Variants in CDKN2AIPNL observed in about 807,000 individuals in gnomAD.
CDKN2AIPNL encodes CDKN2AIP N-terminal-like protein.
A neutral mutation model predicts 12.9 loss-of-function variants in CDKN2AIPNL; 9 were observed. That is an observed-to-expected ratio of 0.70 (90% CI 0.42 to 1.22). The LOEUF is 1.22. Ranked by LOEUF, CDKN2AIPNL falls within the 50% of genes most tolerant of loss-of-function variation. The pLI, the probability that CDKN2AIPNL is intolerant of heterozygous loss-of-function variation, is 0.00. For synonymous variants in CDKN2AIPNL, 53 were observed against 61.7 expected (o/e 0.86, Z 0.66); for missense variants, 143 against 153.6 (o/e 0.93, Z 0.37).
rs1368651312 is a variant in CDKN2AIPNL at position 134,411,690 on chromosome 5, G to C, written c.165C>G (p.Pro55=). The change falls in exon 1 of 3, where the codon CCC becomes CCG. Residue 55 remains proline, a synonymous_variant. Transcript: ENST00000458198. ...GCTGGTCCAGGCGGCCACTGCCGTC[G>C]GGCGGGTCGCGGTAGTCGGGCAGGT... ...LRHLPDYRDP[P]DGSGRLDQLL... 7.4e-6 allele frequency: 12 copies of C among 1,613,206 alleles called. No individual in the cohort carries two copies. In the East Asian group the frequency reaches 2.5e-4, roughly 33 times the overall value.
chr5:134,409,840 C>T, intron 2 of CDKN2AIPNL, 63 bp downstream of exon 2: 1 of 1,019,742 alleles, frequency 9.8e-7, no homozygotes. Context: ...AATATAGTGT[C>T]ATCAAGGCAG....
chr5:134,410,066 A>G, intron 1 of CDKN2AIPNL, 64 bp from the exon 2 acceptor site: 2 of 1,150,722 alleles, frequency 1.7e-6, no homozygotes, highest in Admixed American at 3.9e-5. Flanking sequence ...TTAATAAGAA[A>G]CTGCAGGTTG....
chr5:134,406,152 T>C (rs988235467), intron 2 of CDKN2AIPNL, among the ~76,000 whole-genome samples: 4 of 152,234 alleles, frequency 2.6e-5, no homozygotes, highest in African/African-American at 9.6e-5. Flanking sequence ...GCTGGACAGA[T>C]TGCAGAGATC....
intron 2 of CDKN2AIPNL, among the ~76,000 whole-genome samples, chr5:134,407,256 AACACACACACACACACACACACACACAC>A (rs5871539): frequency 8.6e-5 from 12 of 139,610 alleles, no homozygotes; most frequent in Non-Finnish European, 1.7e-4. Flanking sequence ...GACCCTTCCT[AACACACACACACACACACACACACACAC>A]ACACACACAC....
At chr5:134,411,138 T>C (rs1759184722) in intron 1 of CDKN2AIPNL, 1 of 702,194 alleles carries the variant, frequency 1.4e-6, no homozygotes, top group African/African-American at 1.7e-5. Flanking sequence ...TCATTAGTGA[T>C]TAAAATCCAT....
At chr5:134,403,494 ATCACTTTGG>A (rs1759058126) in intron 2 of CDKN2AIPNL, among the ~76,000 whole-genome samples, 1 of 152,218 alleles carries the variant, frequency 6.6e-6, no homozygotes, top group African/African-American at 2.4e-5. Flanking sequence ...GTGTGAAAAA[ATCACTTTGG>A]CTGTCACCTT....
intron 2 of CDKN2AIPNL, among the ~76,000 whole-genome samples, chr5:134,405,570 C>A (rs573974181): frequency 6.6e-6 from 1 of 151,946 alleles, no homozygotes; most frequent in African/African-American, 2.4e-5. Context: ...GCACGTGCCA[C>A]CATGCCCAGC....
chr5:134,408,892 G>A (rs1430625033), intron 2 of CDKN2AIPNL, among the ~76,000 whole-genome samples: 2 of 152,134 alleles, frequency 1.3e-5, no homozygotes, highest in African/African-American at 2.4e-5. Flanking sequence ...CAAGTGGGGT[G>A]TACTATTTGG....
intron 2 of CDKN2AIPNL, among the ~76,000 whole-genome samples, chr5:134,408,466 G>A (rs6882781): frequency 0.024 from 3,524 of 144,354 alleles, 81 homozygotes; most frequent in African/African-American, 0.064. Context: ...TCAGGAGATC[G>A]AGACCATCCT....
intron 2 of CDKN2AIPNL, among the ~76,000 whole-genome samples, 188 bp from the exon 3 acceptor site, chr5:134,403,114 G>A (rs1325267902): frequency 6.6e-6 from 1 of 152,118 alleles, no homozygotes; most frequent in Non-Finnish European, 1.5e-5. Context: ...GCATCCATTT[G>A]GAAGCCAGAA....
intron 2 of CDKN2AIPNL, among the ~76,000 whole-genome samples, chr5:134,403,525 A>C (rs1446953634): frequency 6.6e-6 from 1 of 152,220 alleles, no homozygotes; most frequent in African/African-American, 2.4e-5. Flanking sequence ...TATTTGAATG[A>C]ATTTCCTTAA....
chr5:134,411,058 TG>T (rs1157627933), intron 1 of CDKN2AIPNL: 1 of 702,460 alleles, frequency 1.4e-6, no homozygotes, highest in Non-Finnish European at 2.6e-6. Context: ...GAGGTGAAGC[TG>T]GTTCCTACTT....
At chr5:134,411,144 T>C (rs2149698020) in intron 1 of CDKN2AIPNL, 2 of 702,238 alleles carry the variant, frequency 2.8e-6, no homozygotes, top group South Asian at 3.0e-5. Flanking sequence ...GTGATTAAAA[T>C]CCATCAATCC....
At chr5:134,408,210 G>A (rs780162347) in intron 2 of CDKN2AIPNL, among the ~76,000 whole-genome samples, 3 of 152,050 alleles carry the variant, frequency 2.0e-5, no homozygotes, top group Non-Finnish European at 4.4e-5. Flanking sequence ...GTATACTCCA[G>A]TAGCCAGAAA....
Position 134,402,357 on chromosome 5 carries a change from C to T in CDKN2AIPNL, c.*558G>A, listed in dbSNP as rs978509844. On this transcript the variant is annotated 3_prime_UTR_variant, in exon 3 of 3. Coordinates refer to ENST00000458198, the MANE Select transcript of CDKN2AIPNL (RefSeq NM_080656.3). ...TCAGGTGATCTGCTCACCTCGGCCT[C>T]CCAAAGTGCTGGGATTATTATGGGC... 1 of 152,208 alleles carries T rather than the reference C, an allele frequency of 6.6e-6. No homozygotes were observed. The highest frequency in any genetic ancestry group is 2.4e-5 in the African/African-American group (1 of 41,428). The allele number at this position is 152,208 out of a possible 1,614,324, so 9.4% of individuals were successfully genotyped here.
intron 2 of CDKN2AIPNL, among the ~76,000 whole-genome samples, chr5:134,405,017 C>T (rs568028251): frequency 1.8e-4 from 27 of 151,972 alleles, no homozygotes; most frequent in African/African-American, 6.5e-4. Flanking sequence ...CTCTCAACCT[C>T]AAATGATCCA....
At position 134,402,664 on chromosome 5, in the gene CDKN2AIPNL, G is replaced by T; in HGVS notation, c.*251C>A. The T allele has an allele frequency of 2.7e-6, 1 of 364,962 alleles. No individual in the cohort carries two copies. The highest frequency in any genetic ancestry group is 2.1e-5 in the African/African-American group (1 of 47,616). The allele number at this position is 364,962 out of a possible 1,614,324, so 22.6% of individuals were successfully genotyped here. On this transcript the variant is annotated 3_prime_UTR_variant, in exon 3 of 3. Transcript: ENST00000458198. The stretch of plus-strand genomic sequence containing the variant: ...AAACAGAAAAGAGGGCTTTTACAAT[G>T]TTGATGAACTCATCTTAGAGTGCAT...
At chr5:134,407,399 C>A (rs1285554340) in intron 2 of CDKN2AIPNL, among the ~76,000 whole-genome samples, 1 of 151,956 alleles carries the variant, frequency 6.6e-6, no homozygotes, top group Non-Finnish European at 1.5e-5. Context: ...ATCTCTAATA[C>A]CCAACATGAC....
At chr5:134,410,326 G>A (rs543232235) in intron 1 of CDKN2AIPNL, among the ~76,000 whole-genome samples, 5 of 152,260 alleles carry the variant, frequency 3.3e-5, no homozygotes, top group Admixed American at 2.6e-4. Flanking sequence ...GTAGAGACAG[G>A]GTTTCACCAT....
Sources: allele counts gnomAD v4.1 joint callset (sites outside exome capture counted in the v4.1 genomes callset), GRCh38; gene constraint gnomAD v4.1.1; transcripts MANE v1.5; gene names NCBI Gene and HGNC (gene_info 2026-07-23, HGNC 2026-07-21).